Variants in GNA14 observed in about 807,000 individuals in gnomAD.
The protein encoded by GNA14 is G protein subunit alpha 14, also known as guanine nucleotide-binding protein subunit alpha-14.
Under a neutral mutation model 42.0 loss-of-function variants are expected in GNA14, and 50 were observed. The observed-to-expected ratio is 1.19, with a 90% confidence interval of 0.95 to 1.51. GNA14 has a LOEUF of 1.51. GNA14 is among the 40% of genes most tolerant of loss of function. The pLI is 0.00. For synonymous variants in GNA14, 173 were observed against 163.1 expected, an observed-to-expected ratio of 1.06 and a Z score of -0.46; for missense variants, 473 against 446.2, an observed-to-expected ratio of 1.06 and a Z score of -0.54.
chr9:77,518,148 T>C (rs910357621), intron 2 of GNA14: 2 of 152,140 alleles, frequency 1.3e-5, no homozygotes, highest in African/African-American at 4.8e-5. Flanking sequence ...GGAGCCAACA[T>C]AGCCCTCAAT....
intron 2 of GNA14, among the ~76,000 whole-genome samples, chr9:77,507,542 T>C (rs1164525660): frequency 1.3e-5 from 2 of 152,186 alleles, no homozygotes; most frequent in African/African-American, 2.4e-5. Context: ...ACAAATCTTA[T>C]TGGAATTCAT....
intron 1 of GNA14, among the ~76,000 whole-genome samples, chr9:77,573,065 T>A (rs887113809): frequency 1.3e-5 from 2 of 152,194 alleles, no homozygotes; most frequent in African/African-American, 4.8e-5. Context: ...GTTACTTTTA[T>A]CAATCCTTGA....
chr9:77,515,544 T>TAGTTTGATTTCTCAA (rs1281571037), intron 2 of GNA14, among the ~76,000 whole-genome samples: 1 of 152,206 alleles, frequency 6.6e-6, no homozygotes, highest in Non-Finnish European at 1.5e-5. Context: ...TATGTTATAA[T>TAGTTTGATTTCTCAA]AACTTGAGAT....
At chr9:77,534,318 T>C (rs1280180917) in intron 1 of GNA14, among the ~76,000 whole-genome samples, 1 of 152,106 alleles carries the variant, frequency 6.6e-6, no homozygotes. Context: ...ATGAACCTCA[T>C]CCCAATACAA....
intron 1 of GNA14, among the ~76,000 whole-genome samples, chr9:77,614,142 C>A (rs1452301353): frequency 6.6e-6 from 1 of 152,176 alleles, no homozygotes; most frequent in Non-Finnish European, 1.5e-5. Context: ...GCCAGCTTTC[C>A]TCCATGCAGC....
At chr9:77,645,274 C>T (rs1330865481) in intron 1 of GNA14, among the ~76,000 whole-genome samples, 1 of 152,188 alleles carries the variant, frequency 6.6e-6, no homozygotes, top group East Asian at 1.9e-4. Flanking sequence ...CTAATCTACC[C>T]ACTAGAGAGA....
intron 1 of GNA14, among the ~76,000 whole-genome samples, chr9:77,593,334 C>CTT (rs59975831): frequency 9.1e-5 from 13 of 142,964 alleles, no homozygotes; most frequent in Admixed American, 2.8e-4. Flanking sequence ...CCTAACATTC[C>CTT]TTTTTTTTTT....
intron 2 of GNA14, among the ~76,000 whole-genome samples, chr9:77,485,639 C>T (rs1481602729): frequency 4.6e-5 from 7 of 152,064 alleles, no homozygotes; most frequent in Admixed American, 2.0e-4. Flanking sequence ...AATAATAAGA[C>T]TTGGAAGTCA....
chr9:77,424,116 C>T lies in GNA14; in HGVS notation c.931G>A (p.Asp311Asn), dbSNP rs1835416626. The T allele has an allele frequency of 6.2e-7, 1 of 1,612,818 alleles. No homozygotes were observed. Among genetic ancestry groups the T allele is most frequent in the Non-Finnish European group, 8.5e-7 (1 of 1,179,300 alleles). The part of the protein sequence containing the change: ...ARDFILKLYQ[D>N]QNPDKEKVIY... ...ACTTTCTCTTTGTCAGGATTCTGATCTTGGTAAAGCTTCAGGATAAAGTCT... is the reference window on the plus strand; with the variant it reads ...ACTTTCTCTTTGTCAGGATTCTGATTTTGGTAAAGCTTCAGGATAAAGTCT... The change falls in exon 7 of 7, where the codon GAT becomes AAT. Residue 311 changes from aspartate to asparagine, a missense_variant. Asp to Asn is a conservative substitution (Grantham distance 23, BLOSUM62 1). Coordinates refer to ENST00000341700, the MANE Select transcript of GNA14 (RefSeq NM_004297.4).
At chr9:77,499,024 G>A (rs1274917463) in intron 2 of GNA14, among the ~76,000 whole-genome samples, 1 of 152,168 alleles carries the variant, frequency 6.6e-6, no homozygotes, top group Non-Finnish European at 1.5e-5. Context: ...GTGGGGTGGG[G>A]AGCCAATGTC....
intron 1 of GNA14, among the ~76,000 whole-genome samples, chr9:77,590,194 G>A (rs1183241865): frequency 1.3e-5 from 2 of 152,190 alleles, no homozygotes; most frequent in Admixed American, 6.5e-5. Flanking sequence ...TGGGATTACA[G>A]GCATGAGCCA....
chr9:77,496,341 A>G (rs148269453), intron 2 of GNA14, among the ~76,000 whole-genome samples: 3 of 152,234 alleles, frequency 2.0e-5, no homozygotes, highest in African/African-American at 7.2e-5. Context: ...TTCACAGGAC[A>G]TAAAATAGGA....
chr9:77,571,714 C>T (rs1379716429), intron 1 of GNA14, among the ~76,000 whole-genome samples: 5 of 149,578 alleles, frequency 3.3e-5, no homozygotes, highest in Non-Finnish European at 7.4e-5. Context: ...GCAGGAGAAT[C>T]GCTTGACTCC....
chr9:77,437,310 C>T (rs1835655048), intron 2 of GNA14, among the ~76,000 whole-genome samples: 1 of 152,100 alleles, frequency 6.6e-6, no homozygotes. Context: ...TTTGGGAGGC[C>T]GAGGGAGGCG....
intron 2 of GNA14, among the ~76,000 whole-genome samples, chr9:77,450,025 A>T (rs1835879379): frequency 6.6e-6 from 1 of 152,106 alleles, no homozygotes; most frequent in Non-Finnish European, 1.5e-5. Flanking sequence ...TGGAAGCTGG[A>T]CCTGGGCCGA....
chr9:77,551,372 T>C (rs1204162004), intron 1 of GNA14, among the ~76,000 whole-genome samples: 1 of 152,154 alleles, frequency 6.6e-6, no homozygotes, highest in African/African-American at 2.4e-5. Flanking sequence ...CTTTATGTGG[T>C]CAACCACTGG....
chr9:77,521,931 C>T, intron 2 of GNA14, among the ~76,000 whole-genome samples: 1 of 152,134 alleles, frequency 6.6e-6, no homozygotes, highest in Non-Finnish European at 1.5e-5. Flanking sequence ...CTCCCAGATT[C>T]AAGCGATTCT....
intron 1 of GNA14, among the ~76,000 whole-genome samples, chr9:77,570,560 G>A (rs139650309): frequency 3.5e-4 from 53 of 152,156 alleles, no homozygotes; most frequent in South Asian, 1.0e-3. Flanking sequence ...ATCTGGTAGC[G>A]TGCATCAGTA....
At chr9:77,611,030 G>A (rs1478165948) in intron 1 of GNA14, among the ~76,000 whole-genome samples, 1 of 152,174 alleles carries the variant, frequency 6.6e-6, no homozygotes, top group Admixed American at 6.6e-5. Flanking sequence ...TAGGAAGTAA[G>A]TAGGTAAGGA....
Sources: gnomAD v4.1 joint callset for allele counts (sites outside exome capture counted in the v4.1 genomes callset) on GRCh38, gnomAD v4.1.1 for gene constraint, MANE v1.5 for transcripts, NCBI Gene and HGNC (gene_info 2026-07-23, HGNC 2026-07-21) for gene names.